The following PGLYRP3 variants were observed in gnomAD, a reference collection of about 807,000 sequenced individuals.
The protein encoded by PGLYRP3 is peptidoglycan recognition protein 3.
A neutral mutation model predicts 36.0 loss-of-function variants in PGLYRP3; 39 were observed. That is an observed-to-expected ratio of 1.08 (90% CI 0.84 to 1.41). The LOEUF (loss-of-function observed/expected upper bound fraction) is 1.41, where lower values mean the gene tolerates loss of function less well. Ranked by LOEUF, PGLYRP3 falls within the 40% of genes most tolerant of loss-of-function variation. PGLYRP3 has a pLI of 0.00. For synonymous variants in PGLYRP3, 204 were observed against 172.8 expected (o/e 1.18, Z -1.42); for missense variants, 407 against 427.9 (o/e 0.95, Z 0.43).
At position 153,302,587 on chromosome 1, in the gene PGLYRP3, G is replaced by A. The variant is rs755238792; in HGVS notation, c.550C>T (p.Arg184Ter). Residue 184 changes from arginine (R) to a stop codon, truncating the protein, a stop_gained, in exon 6 of 8, where the codon CGA becomes TGA. Coordinates refer to ENST00000683862, the MANE Select transcript of PGLYRP3 (RefSeq NM_052891.3). LOFTEE classifies it high-confidence loss of function. ...GTCTCTCTGGCTTCCCAAGCAGATCGTTTGATGATGTTGGGGCAAACTGTG... is the reference window on the plus strand; with the variant it reads ...GTCTCTCTGGCTTCCCAAGCAGATCATTTGATGATGTTGGGGCAAACTGTG... Reference protein sequence around the residue: ...PRKVCPNIIKRSAWEARETHC... With the variant: ...PRKVCPNIIK The A allele has an allele frequency of 1.3e-5, 21 of 1,614,010 alleles. No homozygotes were observed. The East Asian group carries it at 2.7e-4, about 21-fold the overall frequency.
At chr1:153,310,779 CA>C (rs1659876234) in intron 1 of PGLYRP3, 73 bp from the exon 2 acceptor site, 1 of 929,704 alleles carries the variant, frequency 1.1e-6, no homozygotes, top group Non-Finnish European at 1.7e-6. Context: ...TATGTGGCAC[CA>C]CTGTCTGCCT....
rs961838655 is a variant in PGLYRP3, at chr1:153,307,271, T to C, written c.56-4A>G. 56 of 1,591,182 alleles carry C rather than the reference T, an allele frequency of 3.5e-5. No individual in the cohort carries two copies. Among genetic ancestry groups the C allele is most frequent in the Non-Finnish European group, 4.7e-5 (55 of 1,169,190 alleles). ...CGGGAGACGATGGTGGGAGTATCTG[T>C]AGGGAAGACCACAGAATGGCACATA... On this transcript the variant is annotated splice_region_variant and splice_polypyrimidine_tract_variant and intron_variant, in intron 2 of 7. Coordinates refer to ENST00000683862, the MANE Select transcript of PGLYRP3 (RefSeq NM_052891.3).
intron 2 of PGLYRP3, among the ~76,000 whole-genome samples, chr1:153,310,356 G>A (rs564550821): frequency 6.4e-4 from 98 of 152,268 alleles, no homozygotes; most frequent in Non-Finnish European, 9.0e-4. Context: ...ACAACTCTAA[G>A]AAATGAGCAA....
chr1:153,297,822 C>G lies in PGLYRP3; in HGVS notation c.*134G>C. The G allele has an allele frequency of 9.9e-7, 1 of 1,012,838 alleles. No homozygotes were observed. Among genetic ancestry groups the G allele is most frequent in the Non-Finnish European group, 1.5e-6 (1 of 686,520 alleles). 62.7% of individuals were successfully genotyped at this position (1,012,838 alleles called of 1,614,324 possible). Reference sequence around the variant, plus strand: ...CCTGGAGGATGTTGGCAGGAAAGGACATGACCATTCAAACCTGAGAAAGGA... The same window carrying G: ...CCTGGAGGATGTTGGCAGGAAAGGAGATGACCATTCAAACCTGAGAAAGGA... On this transcript the variant is annotated 3_prime_UTR_variant, in exon 8 of 8. Transcript: ENST00000683862.
intron 2 of PGLYRP3, among the ~76,000 whole-genome samples, chr1:153,308,409 G>C (rs1659810746): frequency 6.6e-6 from 1 of 152,152 alleles, no homozygotes; most frequent in Non-Finnish European, 1.5e-5. Context: ...AACCTCCTGG[G>C]ATTCCTCCCC....
At position 153,307,117 on chromosome 1, in the gene PGLYRP3, C is replaced by T. The variant is rs745566623; in HGVS notation, c.206G>A (p.Gly69Glu). The stretch of plus-strand genomic sequence containing the variant: ...GGTGTAGACGGAATGGGACTGCAAC[C>T]CCCGCAGCATCTGGCTGCAAACGCT... ...QQSVCSQMLR[G>E]LQSHSVYTIG... is the part of the protein sequence containing the mutation. Residue 69 changes from glycine to glutamate, a missense_variant, in exon 3 of 8, where the codon GGG becomes GAG. Transcript: ENST00000683862. 19 of 1,613,518 alleles carry T rather than the reference C, an allele frequency of 1.2e-5. No individual in the cohort carries two copies. The highest frequency in any genetic ancestry group is 1.4e-5 in the Non-Finnish European group (17 of 1,179,808).
chr1:153,310,773 T>A (rs1431950204), intron 1 of PGLYRP3, 67 bp from the exon 2 acceptor site: 8 of 977,796 alleles, frequency 8.2e-6, no homozygotes, highest in Non-Finnish European at 1.1e-5. Flanking sequence ...ACCTACTATG[T>A]GGCACCACTG....
At position 153,312,797 on chromosome 1, in the gene PGLYRP3, G is replaced by T. The variant is rs372917329; in HGVS notation, c.-196C>A. 2.8e-4 allele frequency among the ~76,000 whole-genome samples: 42 copies of T among 152,140 alleles called. No individual in the cohort carries two copies. Among genetic ancestry groups the T allele is most frequent in the African/African-American group, 1.0e-3 (42 of 41,426 alleles). ...CAGGCCTTCACTCCCCCTGGCCCTA[G>T]AGGGCACTCCCTCCCTGGGAATGGA... On this transcript the variant is annotated 5_prime_UTR_variant, in exon 1 of 8. Coordinates refer to ENST00000683862, the MANE Select transcript of PGLYRP3 (RefSeq NM_052891.3).
In PGLYRP3 at chr1:153,302,471, AG is replaced by A. The variant is rs1208029346; in HGVS notation, c.665del (p.Thr222MetfsTer52). The A allele has an allele frequency of 6.2e-7, 1 of 1,614,230 alleles. No homozygotes were observed. Among genetic ancestry groups the A allele is most frequent in the East Asian group, 2.2e-5 (1 of 44,882 alleles). ...TSCTVSTDCQTVVRNIQSFHM... is the reference protein window; with the variant it reads ...TSCTVSTDCQXVVRNIQSFHM... ...GAAAGGACTGTATGTTTCGGACGAC[AG>A]TCTGGCAGTCTGTGGATACAGTGCA... On this transcript the variant is annotated frameshift_variant, in exon 6 of 8. Transcript: ENST00000683862. LOFTEE classifies it high-confidence loss of function.
intron 1 of PGLYRP3, among the ~76,000 whole-genome samples, chr1:153,311,851 A>G (rs1659902865): frequency 6.6e-6 from 1 of 152,242 alleles, no homozygotes; most frequent in East Asian, 1.9e-4. Context: ...ACAAGCAACC[A>G]CTTAGCAGAT....
In PGLYRP3 at chr1:153,297,863, G is replaced by A; in HGVS notation, c.*93C>T. ...TGAGAAAGGATGGGCTGGCAGGGGA[G>A]GGGGACACAAGGTGCTGAGCCACCT... On this transcript the variant is annotated 3_prime_UTR_variant, in exon 8 of 8. Transcript: ENST00000683862. 3 of 1,382,012 alleles carry A rather than the reference G, an allele frequency of 2.2e-6. No individual in the cohort carries two copies. Among genetic ancestry groups the A allele is most frequent in the Non-Finnish European group, 2.0e-6 (2 of 998,080 alleles). 85.6% of individuals were successfully genotyped at this position (1,382,012 alleles called of 1,614,324 possible).
intron 4 of PGLYRP3, among the ~76,000 whole-genome samples, 200 bp downstream of exon 4, chr1:153,304,747 G>A (rs1285363314): frequency 6.6e-6 from 1 of 152,248 alleles, no homozygotes; most frequent in Admixed American, 6.5e-5. Context: ...TATCACAGGA[G>A]TACAGACCAG....
At position 153,297,585 on chromosome 1, in the gene PGLYRP3, A is replaced by AAAG. The variant is rs1557805506; in HGVS notation, c.*368_*370dup. ...AAAAAGAAAGAAAGAAAGAAAGAAGAAAGAAAGAAAGAAAGAAAGAGAAAG... is the reference window on the plus strand; with the variant it reads ...AAAAAGAAAGAAAGAAAGAAAGAAGAAAGAAGAAAGAAAGAAAGAAAGAGAAAG... On this transcript the variant is annotated 3_prime_UTR_variant, in exon 8 of 8. Coordinates refer to ENST00000683862, the MANE Select transcript of PGLYRP3 (RefSeq NM_052891.3). 5.4e-4 allele frequency among the ~76,000 whole-genome samples: 26 copies of AAAG among 48,528 alleles called. No homozygotes were observed. Among genetic ancestry groups the AAAG allele is most frequent in the African/African-American group, 1.7e-3 (23 of 13,810 alleles). 31.8% of individuals were successfully genotyped at this position (48,528 alleles called of 152,430 possible). A position where few individuals can be genotyped will look rare whatever the true frequency, so the allele number is the denominator to read the frequency against.
At chr1:153,299,948 A>G (rs928991594) in intron 6 of PGLYRP3, among the ~76,000 whole-genome samples, 1 of 152,216 alleles carries the variant, frequency 6.6e-6, no homozygotes, top group Non-Finnish European at 1.5e-5. Context: ...GGATCACTGC[A>G]ATAGCTTCCT....
rs112389925 is a variant in PGLYRP3, at chr1:153,306,591, A to G, written c.257+475T>C. On this transcript the variant is annotated intron_variant, in intron 3 of 7. Coordinates refer to ENST00000683862, the MANE Select transcript of PGLYRP3 (RefSeq NM_052891.3). ...TGTGAGGTGGGGAGGAGCAAGGGCT[A>G]CACTGGCAGGTGCTCTCACACAGCT... Among the ~76,000 whole-genome samples, 708 of 152,308 alleles carry G rather than the reference A, an allele frequency of 4.6e-3. 3 individuals carry two copies. Among genetic ancestry groups the G allele is most frequent in the African/African-American group, 0.017 (688 of 41,576 alleles).
intron 3 of PGLYRP3, among the ~76,000 whole-genome samples, chr1:153,306,670 G>C (rs1310898779): frequency 1.3e-5 from 2 of 152,142 alleles, no homozygotes; most frequent in Non-Finnish European, 2.9e-5. Context: ...CCAAACCATG[G>C]CTTTCCCGCC....
rs369979237 is a variant in PGLYRP3 at position 153,304,968 on chromosome 1, C to A, written c.355G>T (p.Ala119Ser). The A allele has an allele frequency of 1.2e-6, 2 of 1,613,180 alleles. No homozygotes were observed. The highest frequency in any genetic ancestry group is 1.7e-6 in the Non-Finnish European group (2 of 1,179,586). Residue 119 changes from alanine (A) to serine (S), a missense_variant, in exon 4 of 8, where the codon GCC becomes TCC. Physicochemically the swap from Ala to Ser is moderately conservative, Grantham distance 99. Coordinates refer to ENST00000683862, the MANE Select transcript of PGLYRP3 (RefSeq NM_052891.3). Reference sequence around the variant, plus strand: ...TTACCTATCTTATTGCCAAAGAAGGCGATGCCCAGGGAAATGTTGTTGTAG... The same window carrying A: ...TTACCTATCTTATTGCCAAAGAAGGAGATGCCCAGGGAAATGTTGTTGTAG... ...QGYNNISLGIAFFGNKIGSSP... is the reference protein window; with the variant it reads ...QGYNNISLGISFFGNKIGSSP...
At chr1:153,306,577 G>A (rs1448522607) in intron 3 of PGLYRP3, among the ~76,000 whole-genome samples, 1 of 152,214 alleles carries the variant, frequency 6.6e-6, no homozygotes, top group African/African-American at 2.4e-5. Context: ...GTGAGGTGGG[G>A]AGGAGCAAGG....
In PGLYRP3 at chr1:153,297,533, AGG is replaced by A. The variant is rs1557805226; in HGVS notation, c.*421_*422del. On this transcript the variant is annotated 3_prime_UTR_variant, in exon 8 of 8. Coordinates refer to ENST00000683862, the MANE Select transcript of PGLYRP3 (RefSeq NM_052891.3). ...AAGGAAGGAAGGAAGGAAGGAAGGA[AGG>A]AAGGAAGGAAGGAAGGAAAGAAAGA... Among the ~76,000 whole-genome samples the A allele has an allele frequency of 1.1e-4, 10 of 90,276 alleles. No individual in the cohort carries two copies. Among genetic ancestry groups the A allele is most frequent in the Admixed American group, 3.0e-4 (3 of 9,894 alleles). The allele number at this position is 90,276 out of a possible 152,430, so 59.2% of individuals were successfully genotyped here.
Sources: gnomAD v4.1 joint callset for allele counts (sites outside exome capture counted in the v4.1 genomes callset) on GRCh38, gnomAD v4.1.1 for gene constraint, MANE v1.5 for transcripts, NCBI Gene and HGNC (gene_info 2026-07-23, HGNC 2026-07-21) for gene names.